The following MSRA variants were observed in gnomAD, a reference collection of about 807,000 sequenced individuals.
MSRA encodes methionine sulfoxide reductase A, also known as mitochondrial peptide methionine sulfoxide reductase.
A neutral mutation model predicts 31.3 loss-of-function variants in MSRA; 54 were observed. The observed-to-expected ratio is 1.73, with a 90% CI of 1.39 to 2.17. MSRA has a LOEUF of 2.17. Among genes scored for constraint, MSRA ranks in the 30% most tolerant of loss-of-function variants. The probability of loss-of-function intolerance (pLI) is 0.00; values close to 1 mark genes in which losing one functional copy is unlikely to be tolerated. For missense variants in MSRA, 507 were observed against 300.9 expected (o/e 1.69, Z -5.07); for synonymous variants, 169 against 116.5 (o/e 1.45, Z -2.90).
intron 1 of MSRA, among the ~76,000 whole-genome samples, chr8:10,087,330 T>C (rs1204260816): frequency 7.3e-6 from 1 of 137,172 alleles, no homozygotes; most frequent in Non-Finnish European, 1.5e-5. Flanking sequence ...ATGCATGGCT[T>C]GTGTTTATAA....
chr8:10,149,553 T>A (rs931827676), intron 1 of MSRA, among the ~76,000 whole-genome samples: 1 of 152,132 alleles, frequency 6.6e-6, no homozygotes, highest in Non-Finnish European at 1.5e-5. Flanking sequence ...ACTTGCCAAT[T>A]TCCCCTTTTT....
chr8:10,383,264 C>A (rs1371653599), intron 5 of MSRA, among the ~76,000 whole-genome samples: 2 of 152,164 alleles, frequency 1.3e-5, no homozygotes, highest in Admixed American at 6.5e-5. Context: ...CAGGTGGTGG[C>A]AGGAGAGGAC....
intron 5 of MSRA, among the ~76,000 whole-genome samples, chr8:10,352,271 A>T (rs1038880321): frequency 6.6e-6 from 1 of 152,252 alleles, no homozygotes; most frequent in African/African-American, 2.4e-5. Context: ...AAACATATAG[A>T]TATGAAGACA....
At chr8:10,204,920 A>T (rs1286370549) in intron 1 of MSRA, among the ~76,000 whole-genome samples, 1 of 152,208 alleles carries the variant, frequency 6.6e-6, no homozygotes, top group Non-Finnish European at 1.5e-5. Flanking sequence ...CTACTGATAG[A>T]TGCAGTCCCT....
At chr8:10,209,373 C>G (rs1809282519) in intron 2 of MSRA, among the ~76,000 whole-genome samples, 1 of 152,112 alleles carries the variant, frequency 6.6e-6, no homozygotes, top group Non-Finnish European at 1.5e-5. Context: ...ATGACACTAA[C>G]CTATTATTAG....
chr8:10,356,275 G>A (rs778247690), intron 5 of MSRA, among the ~76,000 whole-genome samples: 2 of 152,182 alleles, frequency 1.3e-5, no homozygotes, highest in Non-Finnish European at 2.9e-5. Flanking sequence ...AAAAAAGTTT[G>A]TTTTCTTCTT....
chr8:10,260,008 G>A (rs1336736168), intron 3 of MSRA, among the ~76,000 whole-genome samples: 3 of 152,370 alleles, frequency 2.0e-5, no homozygotes, highest in East Asian at 1.9e-4. Flanking sequence ...CTGGACCTGC[G>A]TCACTGAGAA....
chr8:10,386,872 TA>T (rs61367767), intron 5 of MSRA, among the ~76,000 whole-genome samples: 26,604 of 132,836 alleles, frequency 0.2, 2,565 homozygotes, highest in Middle Eastern at 0.28. Context: ...GTGGATTATT[TA>T]AAAAAAAAAA....
At chr8:10,318,708 T>C (rs6601433) in intron 4 of MSRA, among the ~76,000 whole-genome samples, 152,283 of 152,294 alleles carry the variant, frequency 1, 76,136 homozygotes, top group Non-Finnish European at 1. Context: ...CTTGTATTCC[T>C]AGCCGTTCCT....
At chr8:10,192,806 C>G (rs1807625672) in intron 1 of MSRA, among the ~76,000 whole-genome samples, 1 of 152,174 alleles carries the variant, frequency 6.6e-6, no homozygotes, top group African/African-American at 2.4e-5. Flanking sequence ...ATATATGAGA[C>G]TCATTATGGG....
intron 3 of MSRA, among the ~76,000 whole-genome samples, chr8:10,246,550 G>C (rs979674946): frequency 6.6e-6 from 1 of 152,164 alleles, no homozygotes; most frequent in Non-Finnish European, 1.5e-5. Flanking sequence ...TCTTAAATAA[G>C]TGTGGTTTGT....
chr8:10,375,004 A>G (rs1263352363), intron 5 of MSRA, among the ~76,000 whole-genome samples: 3 of 152,182 alleles, frequency 2.0e-5, no homozygotes, highest in Non-Finnish European at 2.9e-5. Flanking sequence ...ACCTTCTGCC[A>G]TGATTGTAAG....
intron 3 of MSRA, among the ~76,000 whole-genome samples, chr8:10,296,292 T>C (rs1181568139): frequency 6.6e-6 from 1 of 152,218 alleles, no homozygotes; most frequent in Non-Finnish European, 1.5e-5. Flanking sequence ...TTGTGTTTTC[T>C]CCTAGAGTTG....
At chr8:10,230,361 G>A (rs1313507867) in intron 2 of MSRA, among the ~76,000 whole-genome samples, 1 of 152,210 alleles carries the variant, frequency 6.6e-6, no homozygotes, top group African/African-American at 2.4e-5. Context: ...GGTTTCCTCA[G>A]GTGGAGATGG....
intron 1 of MSRA, among the ~76,000 whole-genome samples, chr8:10,088,986 G>A (rs533341105): frequency 7.2e-5 from 11 of 152,232 alleles, no homozygotes; most frequent in East Asian, 3.9e-4. Flanking sequence ...CATGGGTTGC[G>A]GGTGGGGAGA....
intron 1 of MSRA, among the ~76,000 whole-genome samples, chr8:10,148,433 G>C (rs1368152932): frequency 6.6e-6 from 1 of 151,780 alleles, no homozygotes; most frequent in Non-Finnish European, 1.5e-5. Context: ...GATCACTTGA[G>C]GTCAAGAGTT....
rs17151239 is a variant in MSRA at position 10,168,391 on chromosome 8, A to G, written c.143-39442A>G. On this transcript the variant is annotated intron_variant, in intron 1 of 5. Coordinates refer to ENST00000317173, the MANE Select transcript of MSRA (RefSeq NM_012331.5). ...GTGCTATCATCCCTGGCCAACTCAG[A>G]TGTCACTGGGCATCTCCAGCACAGC... Among the ~76,000 whole-genome samples, 6 of 152,216 alleles carry G rather than the reference A, an allele frequency of 3.9e-5. No homozygotes were observed. The East Asian group carries it at 1.2e-3, about 29-fold the overall frequency.
At chr8:10,414,078 G>C (rs2129190470) in intron 5 of MSRA, among the ~76,000 whole-genome samples, 1 of 152,246 alleles carries the variant, frequency 6.6e-6, no homozygotes, top group South Asian at 2.1e-4. Context: ...GAGACAAGAG[G>C]ATCGCTTGAG....
At chr8:10,383,967 G>A (rs1041274784) in intron 5 of MSRA, among the ~76,000 whole-genome samples, 1 of 152,158 alleles carries the variant, frequency 6.6e-6, no homozygotes, top group Non-Finnish European at 1.5e-5. Flanking sequence ...CTCAGAGGGT[G>A]AGGGCTGCAG....
Sources: gnomAD v4.1 joint callset for allele counts (sites outside exome capture counted in the v4.1 genomes callset) on GRCh38, gnomAD v4.1.1 for gene constraint, MANE v1.5 for transcripts, NCBI Gene and HGNC (gene_info 2026-07-23, HGNC 2026-07-21) for gene names.